Variants in PROSER2 observed in about 807,000 individuals in gnomAD.
PROSER2 encodes the protein proline and serine rich 2, also known as proline and serine-rich protein 2.
In PROSER2, 18 loss-of-function variants were observed where a neutral mutation model predicts 14.6. That is an observed-to-expected ratio of 1.23 (90% CI 0.85 to 1.83). The LOEUF is 1.83. PROSER2 is among the 40% of genes most tolerant of loss of function. PROSER2 has a pLI of 0.00. For missense variants in PROSER2, 823 were observed against 629.8 expected, an observed-to-expected ratio of 1.31 and a Z score of -3.28; for synonymous variants, 367 against 286.4, an observed-to-expected ratio of 1.28 and a Z score of -2.84.
rs558283551 is a variant in PROSER2, at chr10:11,842,931, C to CTTTTTTTTTTTTTT, written c.-81-9052_-81-9039dup. 2.3e-3 allele frequency among the ~76,000 whole-genome samples: 120 copies of CTTTTTTTTTTTTTT among 51,948 alleles called. 18 individuals are homozygous for CTTTTTTTTTTTTTT. The highest frequency in any genetic ancestry group is 4.1e-3 in the South Asian group (4 of 972). 34.1% of individuals were successfully genotyped at this position (51,948 alleles called of 152,430 possible). Reference sequence around the variant, plus strand: ...TTTTCTATACTATTTTGCCATTGTTCTTTTTTTTTTTTTTTTTTTTTTTTT... The same window carrying CTTTTTTTTTTTTTT: ...TTTTCTATACTATTTTGCCATTGTTCTTTTTTTTTTTTTTTTTTTTTTTTTTTTTTTTTTTTTTT... On this transcript the variant is annotated intron_variant, in intron 1 of 3. Coordinates refer to ENST00000277570, the MANE Select transcript of PROSER2 (RefSeq NM_153256.4).
intron 2 of PROSER2, among the ~76,000 whole-genome samples, chr10:11,854,031 C>T (rs574834739): frequency 6.6e-6 from 1 of 152,266 alleles, no homozygotes; most frequent in East Asian, 1.9e-4. Flanking sequence ...CATAGGACGC[C>T]TATAATTAAG....
rs1446636758 is a variant in PROSER2, at chr10:11,871,377, C to T, written c.*971C>T. On this transcript the variant is annotated 3_prime_UTR_variant, in exon 4 of 4. Coordinates refer to ENST00000277570, the MANE Select transcript of PROSER2 (RefSeq NM_153256.4). ...AGTGCTTTATCCTCAACAAAATGTT[C>T]CTCTGTTCCCAGTTAAAGTAATATT... The T allele has an allele frequency of 2.0e-5, 3 of 152,188 alleles. No homozygotes were observed. In the East Asian group the frequency reaches 5.8e-4, roughly 29 times the overall value. The allele number at this position is 152,188 out of a possible 1,614,324, so 9.4% of individuals were successfully genotyped here.
intron 2 of PROSER2, among the ~76,000 whole-genome samples, chr10:11,858,707 G>A (rs1459374003): frequency 6.6e-6 from 1 of 152,086 alleles, no homozygotes; most frequent in African/African-American, 2.4e-5. Flanking sequence ...AGTCAGCATG[G>A]TAGGATAGAA....
At chr10:11,864,404 T>C (rs1293051953) in intron 2 of PROSER2, among the ~76,000 whole-genome samples, 2 of 152,140 alleles carry the variant, frequency 1.3e-5, no homozygotes, top group Non-Finnish European at 2.9e-5. Context: ...TTTTTAAATT[T>C]TTTCCACATT....
Position 11,870,240 on chromosome 10 carries a change from A to G in PROSER2, c.1142A>G (p.Gln381Arg), listed in dbSNP as rs1219753498. 4 of 1,488,506 alleles carry G rather than the reference A, an allele frequency of 2.7e-6. No homozygotes were observed. In the African/African-American group the frequency reaches 4.4e-5, roughly 16 times the overall value. 92.2% of individuals were successfully genotyped at this position (1,488,506 alleles called of 1,614,324 possible). ...GPALPSTRAR[Q>R]SFPGPRQPNG... Reference sequence around the variant, plus strand: ...GCCCTGCCCAGCACGCGGGCCCGTCAGAGCTTCCCCGGGCCCCGGCAGCCC... The same window carrying G: ...GCCCTGCCCAGCACGCGGGCCCGTCGGAGCTTCCCCGGGCCCCGGCAGCCC... The change falls in exon 4 of 4, where the codon CAG (glutamine) becomes CGG (arginine). Residue 381 changes from glutamine to arginine, a missense_variant. Gln to Arg is a conservative substitution (Grantham distance 43). Transcript: ENST00000277570.
Position 11,838,926 on chromosome 10 carries a change from G to A in PROSER2, c.-81-13071G>A, listed in dbSNP as rs1564303411. 6.6e-6 allele frequency among the ~76,000 whole-genome samples: 1 copy of A among 152,016 alleles called. No homozygotes were observed. Among genetic ancestry groups the A allele is most frequent in the African/African-American group, 2.4e-5 (1 of 41,382 alleles). ...CATAGTACATATCTTCTATGAGCTG[G>A]CAGCTTTTCTCTTAATATTGTCTAT... is the stretch of plus-strand genomic sequence containing the variant. On this transcript the variant is annotated intron_variant, in intron 1 of 3. Transcript: ENST00000277570. The surrounding 1 kb of genome is among the most constrained non-coding windows in gnomAD (Gnocchi z 4.4).
At chr10:11,826,502 G>T (rs2131041848) in intron 1 of PROSER2, among the ~76,000 whole-genome samples, 1 of 152,348 alleles carries the variant, frequency 6.6e-6, no homozygotes, top group South Asian at 2.1e-4. Flanking sequence ...AGCAACGTGT[G>T]AGGGTTCTAA....
At chr10:11,842,963 T>TGGGAA (rs1833868122) in intron 1 of PROSER2, among the ~76,000 whole-genome samples, 1 of 127,664 alleles carries the variant, frequency 7.8e-6, no homozygotes, top group Non-Finnish European at 1.6e-5. Flanking sequence ...TTTTTTGAGA[T>TGGGAA]GGAGTCTTGC....
At chr10:11,835,258 A>T (rs2131051412) in intron 1 of PROSER2, among the ~76,000 whole-genome samples, 1 of 152,272 alleles carries the variant, frequency 6.6e-6, no homozygotes, top group African/African-American at 2.4e-5. Context: ...CTCTGCCTGA[A>T]GTTGGCTCTG....
chr10:11,854,200 T>G (rs1834080248), intron 2 of PROSER2, among the ~76,000 whole-genome samples: 1 of 152,212 alleles, frequency 6.6e-6, no homozygotes, highest in African/African-American at 2.4e-5. Context: ...CCAGGGACAT[T>G]GAGCTAAGTT....
At chr10:11,859,982 AC>A (rs1216015553) in intron 2 of PROSER2, among the ~76,000 whole-genome samples, 7 of 152,126 alleles carry the variant, frequency 4.6e-5, no homozygotes, top group Admixed American at 2.6e-4. Flanking sequence ...GCCGAGGGCC[AC>A]AAGCCTCTTT....
At chr10:11,852,272 C>T (rs1834035497) in intron 2 of PROSER2, 57 bp downstream of exon 2, 1 of 1,528,444 alleles carries the variant, frequency 6.5e-7, no homozygotes, top group Non-Finnish European at 8.8e-7. Context: ...GATTTTGCCT[C>T]AATCCCTCTC....
In PROSER2 at chr10:11,846,991, A is replaced by G. The variant is rs190891935; in HGVS notation, c.-81-5006A>G. Among the ~76,000 whole-genome samples, 640 of 151,762 alleles carry G rather than the reference A, an allele frequency of 4.2e-3. 2 individuals are homozygous for G. The highest frequency in any genetic ancestry group is 6.8e-3 in the Middle Eastern group (2 of 294). On this transcript the variant is annotated intron_variant, in intron 1 of 3. Transcript: ENST00000277570. ...GGTCTCAAACTCCTGGCCTGAAGCA[A>G]TCCTCCCACCTCGGCCTCCCAAAGT...
chr10:11,824,009 A>T (rs1833578041), intron 1 of PROSER2, among the ~76,000 whole-genome samples: 1 of 152,208 alleles, frequency 6.6e-6, no homozygotes, highest in Non-Finnish European at 1.5e-5. Context: ...TAGAGGAGAA[A>T]ATGTGGCCCG....
rs952724733 is a variant in PROSER2, at chr10:11,838,153, C to T, written c.-81-13844C>T. ...GGTGCCCTCCGGTGAGTGAGGCGGG[C>T]GGGTGTCTATTTTAGAACAATCAGG... On this transcript the variant is annotated intron_variant, in intron 1 of 3. Coordinates refer to ENST00000277570, the MANE Select transcript of PROSER2 (RefSeq NM_153256.4). The surrounding 1 kb of genome is among the most constrained non-coding windows in gnomAD (Gnocchi z 4.4). Among the ~76,000 whole-genome samples, 2 of 151,992 alleles carry T rather than the reference C, an allele frequency of 1.3e-5. No homozygotes were observed. The highest frequency in any genetic ancestry group is 6.6e-5 in the Admixed American group (1 of 15,246).
chr10:11,860,232 C>G (rs566891808), intron 2 of PROSER2, among the ~76,000 whole-genome samples: 54 of 152,314 alleles, frequency 3.5e-4, no homozygotes, highest in African/African-American at 1.2e-3. Context: ...TCACTCCAGC[C>G]CCACACCCTA....
intron 2 of PROSER2, among the ~76,000 whole-genome samples, chr10:11,852,862 G>GTGA (rs1834053056): frequency 6.7e-6 from 1 of 148,162 alleles, no homozygotes; most frequent in Non-Finnish European, 1.5e-5. Flanking sequence ...CACCGCGCCC[G>GTGA]GCCACTCAAG....
At position 11,830,612 on chromosome 10, in the gene PROSER2, A is replaced by G. The variant is rs995025409; in HGVS notation, c.-82+7142A>G. 6.6e-6 allele frequency among the ~76,000 whole-genome samples: 1 copy of G among 152,190 alleles called. No individual in the cohort carries two copies. Among genetic ancestry groups the G allele is most frequent in the African/African-American group, 2.4e-5 (1 of 41,448 alleles). ...CTGAGAAATCTCTATTCTGTTTTCCATAGTCGACTCTACCCTTGAGCTACT... is the reference window on the plus strand; with the variant it reads ...CTGAGAAATCTCTATTCTGTTTTCCGTAGTCGACTCTACCCTTGAGCTACT... On this transcript the variant is annotated intron_variant, in intron 1 of 3. Transcript: ENST00000277570. The surrounding 1 kb of genome is among the most constrained non-coding windows in gnomAD (Gnocchi z 4.5).
Position 11,836,704 on chromosome 10 carries a change from C to A in PROSER2, c.-82+13234C>A, listed in dbSNP as rs1244084390. On this transcript the variant is annotated intron_variant, in intron 1 of 3. Coordinates refer to ENST00000277570, the MANE Select transcript of PROSER2 (RefSeq NM_153256.4). This position sits in a 1 kb window ranked among gnomAD's most constrained non-coding sequence, Gnocchi z 4.6. Reference sequence around the variant, plus strand: ...GGAAGGGGGATGTCTTTTAGAAGCTCATTTCTACCTCTTTCCCAGCTCAAC... The same window carrying A: ...GGAAGGGGGATGTCTTTTAGAAGCTAATTTCTACCTCTTTCCCAGCTCAAC... Among the ~76,000 whole-genome samples the A allele has an allele frequency of 6.6e-6, 1 of 152,134 alleles. No individual in the cohort carries two copies. The highest frequency in any genetic ancestry group is 1.5e-5 in the Non-Finnish European group (1 of 68,032).
Sources: gnomAD v4.1 joint callset for allele counts (sites outside exome capture counted in the v4.1 genomes callset) on GRCh38, gnomAD v4.1.1 for gene constraint, Gnocchi (gnomAD v3.1) non-coding constraint, MANE v1.5 for transcripts, NCBI Gene and HGNC (gene_info 2026-07-23, HGNC 2026-07-21) for gene names.